Variants in LYPD8 observed in about 807,000 individuals in gnomAD.
LYPD8 encodes LY6/PLAUR domain containing 8, also known as ly6/PLAUR domain-containing protein 8.
LYPD8 carries 8 observed loss-of-function variants against 1.7 expected under a neutral mutation model. The ratio of observed to expected loss-of-function variants is 4.58; its 90% CI spans 2.69 to 8.27. The LOEUF is 8.27. Ranked by LOEUF, LYPD8 falls within the 30% of genes most tolerant of loss-of-function variation. LYPD8 has a pLI of 0.00. For synonymous variants in LYPD8, 50 were observed against 43.6 expected (o/e 1.15, Z -0.58); for missense variants, 112 against 102.3 (o/e 1.09, Z -0.41).
Position 248,745,399 on chromosome 1 carries a change from A to T in LYPD8, c.338-120T>A, listed in dbSNP as rs887508291. 1.3e-5 allele frequency: 5 copies of T among 394,772 alleles called. No homozygotes were observed. In the South Asian group the frequency reaches 7.0e-4, roughly 55 times the overall value. The allele number at this position is 394,772 out of a possible 1,614,324, so 24.5% of individuals were successfully genotyped here. A position where few individuals can be genotyped will look rare whatever the true frequency, so the allele number is the denominator to read the frequency against. On this transcript the variant is annotated intron_variant, in intron 5 of 6. Transcript: ENST00000590317. ...AGAACGGAGCAATGACATCCTTGGG[A>T]ATCTCAGATCTAGCCTTGAAAACAC... is the stretch of plus-strand genomic sequence containing the variant.
At chr1:248,743,525 C>T (rs139226276) in intron 6 of LYPD8, among the ~76,000 whole-genome samples, 103 of 152,252 alleles carry the variant, frequency 6.8e-4, no homozygotes, top group East Asian at 3.7e-3. Context: ...TGCTTGACGC[C>T]GCTGAAAAAT....
intron 2 of LYPD8, among the ~76,000 whole-genome samples, chr1:248,752,976 CA>C (rs1662842043): frequency 8.4e-6 from 1 of 118,764 alleles, no homozygotes; most frequent in Non-Finnish European, 1.7e-5. Flanking sequence ...ACACAACACA[CA>C]CACAACACAA....
intron 6 of LYPD8, among the ~76,000 whole-genome samples, chr1:248,743,155 T>TA (rs562211771): frequency 3.0e-4 from 46 of 151,422 alleles, no homozygotes; most frequent in Admixed American, 1.2e-3. Flanking sequence ...AATGTGTATT[T>TA]AAAAAAAAAC....
intron 6 of LYPD8, among the ~76,000 whole-genome samples, chr1:248,740,350 G>A (rs558882457): frequency 6.4e-4 from 98 of 152,342 alleles, no homozygotes; most frequent in African/African-American, 2.2e-3. Flanking sequence ...GAAGAAGGAA[G>A]GGCCACCAGG....
In LYPD8 at chr1:248,752,796, CACACCCCACAACACACACACAT is replaced by C. The variant is rs1662831418; in HGVS notation, c.-49-1688_-49-1667del. ...CACACAACACACACCACACACACAC[CACACCCCACAACACACACACAT>C]CACATCACACACACCACACCCCACA... On this transcript the variant is annotated intron_variant, in intron 2 of 6. Transcript: ENST00000590317. 3.0e-5 allele frequency among the ~76,000 whole-genome samples: 3 copies of C among 100,034 alleles called. 1 individual carries two copies. The highest frequency in any genetic ancestry group is 8.3e-5 in the African/African-American group (2 of 23,968). The allele number at this position is 100,034 out of a possible 152,430, so 65.6% of individuals were successfully genotyped here. A position where few individuals can be genotyped will look rare whatever the true frequency, so the allele number is the denominator to read the frequency against.
intron 6 of LYPD8, among the ~76,000 whole-genome samples, chr1:248,742,232 T>G (rs1265957980): frequency 6.5e-5 from 4 of 61,960 alleles, no homozygotes; most frequent in Admixed American, 2.1e-4. Context: ...TACGCTCTGG[T>G]GGGGATGTTG....
At chr1:248,740,385 T>C (rs35326846) in intron 6 of LYPD8, among the ~76,000 whole-genome samples, 4,374 of 152,314 alleles carry the variant, frequency 0.029, 231 homozygotes, top group African/African-American at 0.097. Flanking sequence ...CCACGGCATG[T>C]CTCTGCCGTA....
intron 6 of LYPD8, among the ~76,000 whole-genome samples, chr1:248,740,847 T>C (rs1553283265): frequency 6.6e-6 from 1 of 151,790 alleles, no homozygotes; most frequent in Non-Finnish European, 1.5e-5. Flanking sequence ...CAAGGCTGGC[T>C]CTAGGACCAG....
chr1:248,751,066 C>T lies in LYPD8; in HGVS notation c.16G>A (p.Val6Ile), dbSNP rs1379250217. Residue 6 changes from valine (V) to isoleucine (I), a missense_variant, in exon 3 of 7, where the codon GTT becomes ATT. Val to Ile is a conservative substitution (Grantham distance 29). Coordinates refer to ENST00000590317, the MANE Select transcript of LYPD8 (RefSeq NM_001085474.2). MKGILVAGITAVLVAA... is the reference protein window; with the variant it reads MKGILIAGITAVLVAA... The stretch of plus-strand genomic sequence containing the variant: ...ACAAGCACTGCAGTGATACCAGCAA[C>T]GAGGATGCCCTTCATGGTGCTGGAG... 3.8e-5 allele frequency: 15 copies of T among 398,672 alleles called. No individual in the cohort carries two copies. The highest frequency in any genetic ancestry group is 2.5e-4 in the South Asian group (2 of 7,862). 24.7% of individuals were successfully genotyped at this position (398,672 alleles called of 1,614,324 possible). A position where few individuals can be genotyped will look rare whatever the true frequency, so the allele number is the denominator to read the frequency against.
intron 2 of LYPD8, among the ~76,000 whole-genome samples, chr1:248,751,569 G>T (rs1041080532): frequency 2.0e-5 from 3 of 152,180 alleles, no homozygotes; most frequent in African/African-American, 7.2e-5. Context: ...CACCACCACC[G>T]CAATAGGCAG....
chr1:248,746,379 C>T (rs1001143342), intron 5 of LYPD8, among the ~76,000 whole-genome samples: 3 of 152,184 alleles, frequency 2.0e-5, no homozygotes, highest in Admixed American at 1.3e-4. Flanking sequence ...GGAGGCATGG[C>T]GGAAGTGCTG....
At chr1:248,744,291 T>A (rs1281163855) in intron 6 of LYPD8, among the ~76,000 whole-genome samples, 1 of 152,220 alleles carries the variant, frequency 6.6e-6, no homozygotes, top group African/African-American at 2.4e-5. Flanking sequence ...GGGCTTGAGA[T>A]GTCCACCCAA....
chr1:248,742,496 C>G (rs868993387), intron 6 of LYPD8, among the ~76,000 whole-genome samples: 11 of 37,102 alleles, frequency 3.0e-4, no homozygotes, highest in African/African-American at 2.0e-3. Flanking sequence ...TGTTGGCAGC[C>G]GGGGAGATTA....
chr1:248,746,740 G>C lies in LYPD8; in HGVS notation c.338-1461C>G, dbSNP rs1387895841. ...ACGGCCAGCACCCACCCAGGGCATC[G>C]CCCGCACGGCCAGCAGCACCCACCC... is the stretch of plus-strand genomic sequence containing the variant. On this transcript the variant is annotated intron_variant, in intron 5 of 6. Coordinates refer to ENST00000590317, the MANE Select transcript of LYPD8 (RefSeq NM_001085474.2). Among the ~76,000 whole-genome samples the C allele has an allele frequency of 3.2e-3, 51 of 16,082 alleles. 3 individuals carry two copies. The highest frequency in any genetic ancestry group is 0.022 in the East Asian group (9 of 406). 10.6% of individuals were successfully genotyped at this position (16,082 alleles called of 152,430 possible). A position where few individuals can be genotyped will look rare whatever the true frequency, so the allele number is the denominator to read the frequency against.
chr1:248,748,970 A>G (rs1175166721), intron 4 of LYPD8, among the ~76,000 whole-genome samples: 1 of 152,266 alleles, frequency 6.6e-6, no homozygotes, highest in Non-Finnish European at 1.5e-5. Context: ...GTAGCCATAT[A>G]TCAAGTGCTC....
rs1443975869 is a variant in LYPD8 at position 248,746,331 on chromosome 1, C to T, written c.338-1052G>A. Among the ~76,000 whole-genome samples, 5 of 152,188 alleles carry T rather than the reference C, an allele frequency of 3.3e-5. No individual in the cohort carries two copies. In the South Asian group the frequency reaches 6.2e-4, roughly 19 times the overall value. Reference sequence around the variant, plus strand: ...TACTGACCGGAACTAAAGTCCCTCTCGCACAACTTGCAATGTCTGTCTTCA... The same window carrying T: ...TACTGACCGGAACTAAAGTCCCTCTTGCACAACTTGCAATGTCTGTCTTCA... On this transcript the variant is annotated intron_variant, in intron 5 of 6. Transcript: ENST00000590317.
In LYPD8 at chr1:248,753,210, A is replaced by AC. The variant is rs1558208926; in HGVS notation, c.-50+2028dup. Among the ~76,000 whole-genome samples, 87 of 98,562 alleles carry AC rather than the reference A, an allele frequency of 8.8e-4. 1 individual carries two copies. The highest frequency in any genetic ancestry group is 1.5e-3 in the African/African-American group (35 of 22,796). 64.7% of individuals were successfully genotyped at this position (98,562 alleles called of 152,430 possible). On this transcript the variant is annotated intron_variant, in intron 2 of 6. Transcript: ENST00000590317. ...CACACCACATCACACCCCACACAAC[A>AC]CACACACCACACCACACACACACAC...
chr1:248,751,957 A>G (rs1346418313), intron 2 of LYPD8, among the ~76,000 whole-genome samples: 1 of 152,136 alleles, frequency 6.6e-6, no homozygotes, highest in Non-Finnish European at 1.5e-5. Flanking sequence ...GTTTGGTTAT[A>G]TTCATTAGAA....
rs1231312371 is a variant in LYPD8, at chr1:248,753,458, C to A, written c.-50+1781G>T. 4.2e-4 allele frequency among the ~76,000 whole-genome samples: 55 copies of A among 130,834 alleles called. 2 individuals carry two copies. In the South Asian group the frequency reaches 0.014, roughly 32 times the overall value. 85.8% of individuals were successfully genotyped at this position (130,834 alleles called of 152,430 possible). ...CACAACACAACACACACAACACACA[C>A]CCCACACAACACACCACATCACACA... On this transcript the variant is annotated intron_variant, in intron 2 of 6. Coordinates refer to ENST00000590317, the MANE Select transcript of LYPD8 (RefSeq NM_001085474.2).
Sources: allele counts gnomAD v4.1 joint callset (sites outside exome capture counted in the v4.1 genomes callset), GRCh38; gene constraint gnomAD v4.1.1; transcripts MANE v1.5; gene names NCBI Gene and HGNC (gene_info 2026-07-23, HGNC 2026-07-21).